Variants in IFT74 observed in about 807,000 individuals in gnomAD.
The protein encoded by IFT74 is intraflagellar transport protein 74 homolog.
A neutral mutation model predicts 96.7 loss-of-function variants in IFT74; 92 were observed. The observed-to-expected ratio is 0.95, with a 90% CI of 0.80 to 1.13. The LOEUF is 1.13. Ranked by LOEUF, IFT74 falls within the 50% of genes most tolerant of loss-of-function variation. The probability of loss-of-function intolerance (pLI) is 0.00; values close to 1 mark genes in which losing one functional copy is unlikely to be tolerated. For missense variants in IFT74, 811 were observed against 698.2 expected (o/e 1.16, Z -1.82); for synonymous variants, 223 against 213.2 (o/e 1.05, Z -0.40).
intron 4 of IFT74, 64 bp downstream of exon 4, chr9:26,980,683 A>G (rs2070948278): frequency 9.8e-7 from 1 of 1,023,110 alleles, no homozygotes; most frequent in Non-Finnish European, 1.5e-6. Context: ...TTCTGTCAAA[A>G]TAGAGTATAT....
chr9:27,045,140 C>T (rs546808994), intron 14 of IFT74, among the ~76,000 whole-genome samples: 9 of 152,302 alleles, frequency 5.9e-5, no homozygotes, highest in South Asian at 4.1e-4. Context: ...CACTGGCAAG[C>T]GAGCATTACC....
intron 1 of IFT74, among the ~76,000 whole-genome samples, chr9:26,948,448 A>ATTATTATTATTATTATTTTTTTTTTT (rs1825819541): frequency 1.0e-4 from 6 of 59,162 alleles, no homozygotes; most frequent in Admixed American, 2.0e-4. Context: ...GCTTTCCATT[A>ATTATTATTATTATTATTTTTTTTTTT]TTTTTTTTTT....
chr9:26,978,483 T>G (rs1827222472), intron 3 of IFT74, among the ~76,000 whole-genome samples: 1 of 152,172 alleles, frequency 6.6e-6, no homozygotes, highest in Non-Finnish European at 1.5e-5. Context: ...ATTCACAAAA[T>G]TATTGTGATG....
At position 27,011,940 on chromosome 9, in the gene IFT74, A is replaced by G; in HGVS notation, c.761A>G (p.Gln254Arg). ...LDTLQQQLDSQNMKKESLEAE... is the reference protein window; with the variant it reads ...LDTLQQQLDSRNMKKESLEAE... Reference sequence around the variant, plus strand: ...ACACTTCAACAACAATTGGATTCACAGAACATGAAAAAAGAGAGCCTGGAA... The same window carrying G: ...ACACTTCAACAACAATTGGATTCACGGAACATGAAAAAAGAGAGCCTGGAA... Residue 254 changes from glutamine (Q) to arginine (R), a missense_variant, in exon 10 of 20, where the codon CAG becomes CGG. Physicochemically the swap from Gln to Arg is conservative, Grantham distance 43 (BLOSUM62 1). Coordinates refer to ENST00000380062, the MANE Select transcript of IFT74 (RefSeq NM_025103.4). The G allele has an allele frequency of 6.3e-7, 1 of 1,587,834 alleles. No individual in the cohort carries two copies. Among genetic ancestry groups the G allele is most frequent in the Non-Finnish European group, 8.6e-7 (1 of 1,168,172 alleles).
chr9:27,032,952 A>C (rs1830191772), intron 13 of IFT74, among the ~76,000 whole-genome samples: 1 of 152,176 alleles, frequency 6.6e-6, no homozygotes, highest in Non-Finnish European at 1.5e-5. Context: ...TGTAATTTTA[A>C]ATATGAATCT....
intron 2 of IFT74, among the ~76,000 whole-genome samples, chr9:26,963,008 G>T (rs1319674126): frequency 2.7e-5 from 4 of 146,690 alleles, no homozygotes; most frequent in Non-Finnish European, 6.0e-5. Flanking sequence ...TGCACATTGT[G>T]CAGGTTAGTT....
chr9:26,952,571 C>T (rs1247001828), upstream of IFT74, among the ~76,000 whole-genome samples: 1 of 152,168 alleles, frequency 6.6e-6, no homozygotes, highest in Non-Finnish European at 1.5e-5. Context: ...GCCACTGTGC[C>T]TTGCCGAAAG....
chr9:26,948,432 G>GTCAAAAA (rs1825816217), intron 1 of IFT74, among the ~76,000 whole-genome samples: 1 of 105,266 alleles, frequency 9.5e-6, no homozygotes, highest in African/African-American at 3.2e-5. Flanking sequence ...TTGACAACCT[G>GTCAAAAA]TGATGGCTTT....
chr9:27,017,098 T>C (rs1450266191), intron 11 of IFT74, 48 bp downstream of exon 11: 4 of 1,504,066 alleles, frequency 2.7e-6, no homozygotes, highest in Non-Finnish European at 3.6e-6. Context: ...TTTTGGTACA[T>C]GTATTGATTT....
intron 2 of IFT74, among the ~76,000 whole-genome samples, chr9:26,977,735 TG>T (rs1244501239): frequency 6.6e-6 from 1 of 152,160 alleles, no homozygotes; most frequent in African/African-American, 2.4e-5. Flanking sequence ...ATGATCCACC[TG>T]CCTTGGCCTC....
chr9:27,012,758 C>G (rs1357656696), intron 10 of IFT74, among the ~76,000 whole-genome samples: 1 of 131,770 alleles, frequency 7.6e-6, no homozygotes, highest in East Asian at 2.9e-4. Context: ...GCTCTGTTGC[C>G]CAGGCTGGAG....
intron 4 of IFT74, chr9:26,982,217 T>TTTGGTCAG (rs1563948641): frequency 1.4e-5 from 4 of 294,718 alleles, no homozygotes; most frequent in Admixed American, 9.5e-5. Flanking sequence ...TAAGTATGTA[T>TTTGGTCAG]TTGGTCAGTT....
intron 1 of IFT74, among the ~76,000 whole-genome samples, chr9:26,960,484 C>T (rs1377719066): frequency 1.3e-5 from 2 of 152,116 alleles, no homozygotes; most frequent in East Asian, 1.9e-4. Context: ...TTTCAGTGAG[C>T]TCTTTTTGTT....
At chr9:27,018,744 TC>T in intron 12 of IFT74, 57 bp downstream of exon 12, 1 of 1,120,766 alleles carries the variant, frequency 8.9e-7, no homozygotes, top group Non-Finnish European at 1.3e-6. Context: ...AAAATTACAT[TC>T]TAAAGGTACA....
chr9:26,956,390 G>A (rs1234194701), upstream of IFT74: 2 of 152,290 alleles, frequency 1.3e-5, no homozygotes, highest in African/African-American at 4.8e-5. Context: ...CCCCGTTGCC[G>A]GGATACGCCG....
intron 12 of IFT74, among the ~76,000 whole-genome samples, chr9:27,028,546 A>G (rs921817545): frequency 3.3e-5 from 5 of 151,958 alleles, no homozygotes; most frequent in African/African-American, 9.7e-5. Context: ...TCTCGAGGTC[A>G]AGAGATCGAG....
At chr9:27,054,319 A>G (rs948093175) in intron 16 of IFT74, among the ~76,000 whole-genome samples, 1 of 152,154 alleles carries the variant, frequency 6.6e-6, no homozygotes, top group African/African-American at 2.4e-5. Context: ...GATATTCATA[A>G]ACCTTAAGCC....
intron 2 of IFT74, among the ~76,000 whole-genome samples, chr9:26,970,168 T>C (rs1826821781): frequency 1.3e-5 from 2 of 152,176 alleles, no homozygotes; most frequent in South Asian, 4.1e-4. Flanking sequence ...TATGCTGTGG[T>C]GAGGGCATTG....
intron 12 of IFT74, among the ~76,000 whole-genome samples, chr9:27,021,017 A>G (rs899995365): frequency 6.6e-6 from 1 of 152,130 alleles, no homozygotes; most frequent in Non-Finnish European, 1.5e-5. Flanking sequence ...ATGAGAACAT[A>G]CAATGTTTGG....
Sources: allele counts gnomAD v4.1 joint callset (sites outside exome capture counted in the v4.1 genomes callset), GRCh38; gene constraint gnomAD v4.1.1; transcripts MANE v1.5; gene names NCBI Gene and HGNC (gene_info 2026-07-23, HGNC 2026-07-21).